Variants in FYN observed in about 807,000 individuals in gnomAD.
The protein encoded by FYN is FYN proto-oncogene, Src family tyrosine kinase.
A neutral mutation model predicts 70.2 loss-of-function variants in FYN; 10 were observed. The observed-to-expected ratio is 0.14, with a 90% CI of 0.09 to 0.24. The LOEUF (loss-of-function observed/expected upper bound fraction) is 0.24, where lower values mean the gene tolerates loss of function less well. FYN is among the 10% of genes least tolerant of loss of function. The probability of loss-of-function intolerance (pLI) is 1.00; values close to 1 mark genes in which losing one functional copy is unlikely to be tolerated. For missense variants in FYN, 319 were observed against 673.1 expected (o/e 0.47, Z 5.82); for synonymous variants, 236 against 248.6 (o/e 0.95, Z 0.48).
intron 12 of FYN, among the ~76,000 whole-genome samples, chr6:111,675,427 T>C (rs1331062514): frequency 1.3e-5 from 2 of 152,142 alleles, no homozygotes; most frequent in Non-Finnish European, 2.9e-5. Context: ...ATTGAAAGAA[T>C]CCTGTCTCTA....
chr6:111,722,303 G>A (rs1278297071), intron 3 of FYN, among the ~76,000 whole-genome samples: 11 of 152,214 alleles, frequency 7.2e-5, no homozygotes, highest in Non-Finnish European at 1.5e-4. Context: ...ACAGTATACC[G>A]TGCCCAACAT....
chr6:111,743,689 A>G (rs1802083876), intron 3 of FYN, among the ~76,000 whole-genome samples: 1 of 152,262 alleles, frequency 6.6e-6, no homozygotes, highest in African/African-American at 2.4e-5. Flanking sequence ...AAAAAGGACA[A>G]GAGGATCCCA....
At chr6:111,806,869 C>A (rs938994325) in intron 2 of FYN, among the ~76,000 whole-genome samples, 1 of 152,114 alleles carries the variant, frequency 6.6e-6, no homozygotes, top group Non-Finnish European at 1.5e-5. Flanking sequence ...ATCCTACATG[C>A]CCCAAGAGCT....
At chr6:111,684,142 G>A (rs1417961128) in intron 12 of FYN, among the ~76,000 whole-genome samples, 1 of 152,208 alleles carries the variant, frequency 6.6e-6, no homozygotes, top group Non-Finnish European at 1.5e-5. Context: ...AGTTTGAGAA[G>A]GAGGGAGGTT....
rs529909168 is a variant in FYN at position 111,865,812 on chromosome 6, G to A, written c.-123+7156C>T. Among the ~76,000 whole-genome samples the A allele has an allele frequency of 6.6e-5, 10 of 152,256 alleles. No individual in the cohort carries two copies. In the East Asian group the frequency reaches 1.9e-3, roughly 29 times the overall value. ...CTCGAGGGATTTCCATTGTAAATAG[G>A]TTAAAATTCTGGTTATCTGACTAAA... On this transcript the variant is annotated intron_variant, in intron 1 of 13. Coordinates refer to ENST00000354650, the MANE Select transcript of FYN (RefSeq NM_002037.5).
intron 5 of FYN, among the ~76,000 whole-genome samples, chr6:111,710,126 C>T (rs559959387): frequency 2.6e-5 from 4 of 152,282 alleles, no homozygotes; most frequent in Admixed American, 6.5e-5. Context: ...CCACCCTCTC[C>T]CGCCCAGCCT....
chr6:111,678,097 A>G (rs1285680539), intron 12 of FYN, among the ~76,000 whole-genome samples: 1 of 124,832 alleles, frequency 8.0e-6, no homozygotes, highest in Non-Finnish European at 1.6e-5. Flanking sequence ...CCAATACACG[A>G]AGGCCATAAT....
chr6:111,743,367 T>A (rs557486806), intron 3 of FYN, among the ~76,000 whole-genome samples: 34 of 152,358 alleles, frequency 2.2e-4, no homozygotes, highest in African/African-American at 7.7e-4. Context: ...CTTTACATCA[T>A]GATTTTTCTC....
intron 12 of FYN, among the ~76,000 whole-genome samples, chr6:111,681,006 G>C (rs1043273248): frequency 1.3e-5 from 2 of 151,342 alleles, no homozygotes; most frequent in African/African-American, 2.4e-5. Context: ...GCACCACCAT[G>C]CCTGGCTAAT....
chr6:111,740,650 T>C (rs559391261), intron 3 of FYN, among the ~76,000 whole-genome samples: 14 of 152,354 alleles, frequency 9.2e-5, no homozygotes, highest in African/African-American at 3.4e-4. Context: ...CCTATGTGTC[T>C]AGCCCCATCT....
chr6:111,841,998 C>T (rs913598128), intron 2 of FYN, among the ~76,000 whole-genome samples: 6 of 152,044 alleles, frequency 3.9e-5, no homozygotes, highest in African/African-American at 1.5e-4. Flanking sequence ...AACACACACA[C>T]ACACACACAC....
At chr6:111,735,318 A>G (rs1208892039) in intron 3 of FYN, among the ~76,000 whole-genome samples, 1 of 152,208 alleles carries the variant, frequency 6.6e-6, no homozygotes, top group Non-Finnish European at 1.5e-5. Flanking sequence ...GAGCTTGAGA[A>G]GCAGTCAGAA....
intron 6 of FYN, among the ~76,000 whole-genome samples, chr6:111,706,706 A>G (rs1800108472): frequency 6.6e-6 from 1 of 152,272 alleles, no homozygotes; most frequent in Non-Finnish European, 1.5e-5. Context: ...CTTTAAAAAC[A>G]AAATATTTAA....
chr6:111,786,841 C>T (rs1157991358), intron 2 of FYN, among the ~76,000 whole-genome samples: 1 of 152,190 alleles, frequency 6.6e-6, no homozygotes, highest in Non-Finnish European at 1.5e-5. Flanking sequence ...TTTCATGTGT[C>T]TGTTGGCTGC....
intron 2 of FYN, among the ~76,000 whole-genome samples, chr6:111,819,492 T>C (rs1772590136): frequency 6.6e-6 from 1 of 152,160 alleles, no homozygotes; most frequent in Admixed American, 6.5e-5. Flanking sequence ...GTCCCTGAAA[T>C]AGAATATTCT....
At chr6:111,686,224 G>A (rs938326232) in intron 12 of FYN, among the ~76,000 whole-genome samples, 23 of 152,078 alleles carry the variant, frequency 1.5e-4, no homozygotes, top group African/African-American at 4.6e-4. Flanking sequence ...AAACAAAGCC[G>A]TCCCTCCCAG....
intron 1 of FYN, among the ~76,000 whole-genome samples, chr6:111,870,801 G>A (rs1774248778): frequency 6.6e-6 from 1 of 152,174 alleles, no homozygotes; most frequent in African/African-American, 2.4e-5. Context: ...CCAGGAGAAA[G>A]CAGAGTGTGC....
At chr6:111,720,170 G>C (rs1800864011) in intron 3 of FYN, 108 bp from the exon 4 acceptor site, 8 of 1,278,112 alleles carry the variant, frequency 6.3e-6, no homozygotes, top group Non-Finnish European at 7.4e-6. Context: ...GGCTATTTCA[G>C]GCCTATTAGG....
At chr6:111,869,679 C>T (rs1583507528) in intron 1 of FYN, among the ~76,000 whole-genome samples, 1 of 152,216 alleles carries the variant, frequency 6.6e-6, no homozygotes, top group East Asian at 1.9e-4. Flanking sequence ...CAGGCGTGAG[C>T]TGCAACATCC....
Sources: gnomAD v4.1 joint callset for allele counts (sites outside exome capture counted in the v4.1 genomes callset) on GRCh38, gnomAD v4.1.1 for gene constraint, MANE v1.5 for transcripts, NCBI Gene and HGNC (gene_info 2026-07-23, HGNC 2026-07-21) for gene names.